Variants in YES1 observed in about 807,000 individuals in gnomAD.
The protein encoded by YES1 is tyrosine-protein kinase Yes.
In YES1, 39 loss-of-function variants were observed where a neutral mutation model predicts 70.4. That is an observed-to-expected ratio of 0.55 (90% CI 0.43 to 0.72). The LOEUF (loss-of-function observed/expected upper bound fraction) is 0.72, where lower values mean the gene tolerates loss of function less well. Ranked by LOEUF, YES1 falls within the 30% of genes least tolerant of loss-of-function variation. The pLI, the probability that YES1 is intolerant of heterozygous loss-of-function variation, is 0.00. For synonymous variants in YES1, 198 were observed against 218.6 expected, an observed-to-expected ratio of 0.91 and a Z score of 0.83; for missense variants, 495 against 644.8, an observed-to-expected ratio of 0.77 and a Z score of 2.52.
In YES1 at chr18:736,939, A is replaced by G. The variant is rs781492606; in HGVS notation, c.1160T>C (p.Ile387Thr). ...AAQIADGMAY[I>T]ERMNYIHRDL... The stretch of plus-strand genomic sequence containing the variant: ...TCGGTGAATATAGTTCATTCTTTCA[A>G]TATATGCCATACCATCAGCAATCTT... Residue 387 changes from isoleucine to threonine, a missense_variant, in exon 10 of 12, where the codon ATT becomes ACT. Transcript: ENST00000314574. The G allele has an allele frequency of 9.3e-6, 15 of 1,609,874 alleles. No homozygotes were observed. The highest frequency in any genetic ancestry group is 1.2e-5 in the Non-Finnish European group (14 of 1,179,872).
intron 1 of YES1, among the ~76,000 whole-genome samples, chr18:797,602 A>G (rs1906608732): frequency 6.6e-6 from 1 of 152,244 alleles, no homozygotes; most frequent in African/African-American, 2.4e-5. Context: ...AACTCGAGAC[A>G]AGGTAGTTCA....
chr18:737,773 G>A (rs2080170097), intron 9 of YES1, among the ~76,000 whole-genome samples: 1 of 152,212 alleles, frequency 6.6e-6, no homozygotes, highest in South Asian at 2.1e-4. Context: ...AGGTTGGCGT[G>A]CAGTGGTGCA....
chr18:803,235 A>G (rs1568221658), intron 1 of YES1, among the ~76,000 whole-genome samples: 2 of 152,222 alleles, frequency 1.3e-5, no homozygotes, highest in African/African-American at 4.8e-5. Context: ...ACTCCGTCTC[A>G]AAAACAAAAA....
Position 756,563 on chromosome 18 carries a change from A to C in YES1, c.265T>G (p.Leu89Val). Reference sequence around the variant, plus strand: ...TTGTCCATTTAAATCTCACCTGTTAAACCAGCAGGATATGAACTTGGCACC... The same window carrying C: ...TTGTCCATTTAAATCTCACCTGTTACACCAGCAGGATATGAACTTGGCACC... Reference protein sequence around the residue: ...SVVPSSYPAGLTGGVTIFVAL... With the variant: ...SVVPSSYPAGVTGGVTIFVAL... The change falls in exon 2 of 12, where the codon TTA becomes GTA. Residue 89 changes from leucine to valine, a missense_variant. Leu to Val is a conservative substitution (Grantham distance 32). This residue lies in a region of YES1 where 110 missense variants were observed against 104.0 expected (regional missense o/e 1.06). Coordinates refer to ENST00000314574, the MANE Select transcript of YES1 (RefSeq NM_005433.4). 6.2e-7 allele frequency: 1 copy of C among 1,614,198 alleles called. No individual in the cohort carries two copies. Among genetic ancestry groups the C allele is most frequent in the Non-Finnish European group, 8.5e-7 (1 of 1,180,036 alleles).
At chr18:772,582 G>A (rs529623326) in intron 1 of YES1, among the ~76,000 whole-genome samples, 1 of 151,398 alleles carries the variant, frequency 6.6e-6, no homozygotes, top group Non-Finnish European at 1.5e-5. Flanking sequence ...ACAGGCACAC[G>A]CCACCATGCC....
upstream of YES1, chr18:812,648 C>T (rs1212323744): frequency 6.6e-6 from 1 of 152,640 alleles, no homozygotes; most frequent in East Asian, 1.9e-4. Flanking sequence ...CCCGCGGCGT[C>T]CCTTCCCACC....
At chr18:794,704 A>C (rs1440890516) in intron 1 of YES1, among the ~76,000 whole-genome samples, 1 of 152,186 alleles carries the variant, frequency 6.6e-6, no homozygotes, top group Non-Finnish European at 1.5e-5. Flanking sequence ...TTCTGATGGT[A>C]GCTGGCAATC....
intron 2 of YES1, among the ~76,000 whole-genome samples, chr18:752,063 T>C (rs2080350970): frequency 6.6e-6 from 1 of 152,330 alleles, no homozygotes; most frequent in South Asian, 2.1e-4. Flanking sequence ...ATAAAACTAC[T>C]GTATTCTACA....
At chr18:749,589 C>G (rs2080320033) in intron 3 of YES1, among the ~76,000 whole-genome samples, 1 of 152,110 alleles carries the variant, frequency 6.6e-6, no homozygotes, top group Non-Finnish European at 1.5e-5. Context: ...GGCGCGGTGG[C>G]TCACGCCTGT....
At chr18:777,803 G>T (rs565860886) in intron 1 of YES1, among the ~76,000 whole-genome samples, 1 of 136,110 alleles carries the variant, frequency 7.3e-6, no homozygotes, top group Non-Finnish European at 1.6e-5. Flanking sequence ...TGAGACTCTG[G>T]CTTAAAAAAA....
Position 807,167 on chromosome 18 carries a change from C to T in YES1, c.-9+4947G>A, listed in dbSNP as rs948303009. Among the ~76,000 whole-genome samples the T allele has an allele frequency of 7.2e-5, 11 of 152,034 alleles. 1 individual carries two copies. Among genetic ancestry groups the T allele is most frequent in the African/African-American group, 2.7e-4 (11 of 41,380 alleles). On this transcript the variant is annotated intron_variant, in intron 1 of 11. Coordinates refer to ENST00000314574, the MANE Select transcript of YES1 (RefSeq NM_005433.4). ...TGGCCAACATGGTGAAACCCTGTCT[C>T]TACTAAAAGTACAAAAATTAGCCGG...
At chr18:785,860 G>A in intron 1 of YES1, among the ~76,000 whole-genome samples, 1 of 151,990 alleles carries the variant, frequency 6.6e-6, no homozygotes, top group Admixed American at 6.5e-5. Flanking sequence ...AACACTTGAG[G>A]CCAGGAGTTC....
At chr18:804,314 C>T (rs909566184) in intron 1 of YES1, among the ~76,000 whole-genome samples, 5 of 152,072 alleles carry the variant, frequency 3.3e-5, no homozygotes, top group African/African-American at 4.8e-5. Context: ...AATTTTATTA[C>T]GAAAAAATCT....
At chr18:735,544 T>C (rs2080142775) in intron 10 of YES1, among the ~76,000 whole-genome samples, 1 of 151,764 alleles carries the variant, frequency 6.6e-6, no homozygotes, top group African/African-American at 2.4e-5. Flanking sequence ...TGAAACCCCG[T>C]CTCTACTGAA....
At position 732,975 on chromosome 18, in the gene YES1, T is replaced by A. The variant is rs767204648; in HGVS notation, c.1292-10A>T. 6.2e-7 allele frequency: 1 copy of A among 1,613,926 alleles called. No homozygotes were observed. On this transcript the variant is annotated splice_polypyrimidine_tract_variant and intron_variant, in intron 10 of 11. Transcript: ENST00000314574. ...ATTGGAAATTTTGCACCTAAAATAA[T>A]GTTGACCATCTTGCTTAATTGTTTT...
At chr18:738,683 C>T (rs1216147464) in intron 9 of YES1, 6 of 132,576 alleles carry the variant, frequency 4.5e-5, no homozygotes, top group Non-Finnish European at 8.0e-5. Flanking sequence ...GAGCGAGACT[C>T]CCATCTCAAA....
At chr18:732,236 C>T (rs796926058) in intron 11 of YES1, among the ~76,000 whole-genome samples, 2 of 151,544 alleles carry the variant, frequency 1.3e-5, no homozygotes, top group Non-Finnish European at 2.9e-5. Context: ...GTCAGGAGTT[C>T]GAGACCAGCT....
intron 1 of YES1, among the ~76,000 whole-genome samples, chr18:803,420 C>G (rs985981788): frequency 6.6e-6 from 1 of 152,174 alleles, no homozygotes; most frequent in African/African-American, 2.4e-5. Context: ...ATAAAAAAAG[C>G]ACAGAGAAGG....
At chr18:751,412 T>C (rs1296617954) in intron 3 of YES1, among the ~76,000 whole-genome samples, 3 of 152,172 alleles carry the variant, frequency 2.0e-5, no homozygotes, top group African/African-American at 7.2e-5. Context: ...ACTCTCTTTA[T>C]AAAGTTTTTT....
Sources: allele counts gnomAD v4.1 joint callset (sites outside exome capture counted in the v4.1 genomes callset), GRCh38; gene constraint gnomAD v4.1.1; regional missense constraint gnomAD v4.1.1; transcripts MANE v1.5; gene names NCBI Gene and HGNC (gene_info 2026-07-23, HGNC 2026-07-21).